PI4KA: variants seen among roughly 807,000 people sequenced by gnomAD.
The protein encoded by PI4KA is phosphatidylinositol 4-kinase alpha, also known as PI4-kinase alpha.
Under a neutral mutation model 271.4 loss-of-function variants are expected in PI4KA, and 122 were observed. The observed-to-expected ratio is 0.45, with a 90% CI of 0.39 to 0.52. The LOEUF (loss-of-function observed/expected upper bound fraction) is 0.52, where lower values mean the gene tolerates loss of function less well. PI4KA is among the 20% of genes least tolerant of loss of function. The pLI, the probability that PI4KA is intolerant of heterozygous loss-of-function variation, is 0.00. For missense variants in PI4KA, 1,969 were observed against 2,769.1 expected (o/e 0.71, Z 6.48); for synonymous variants, 1,041 against 1,078.8 (o/e 0.96, Z 0.69).
intron 27 of PI4KA, among the ~76,000 whole-genome samples, chr22:20,750,317 G>A (rs1355469438): frequency 1.3e-5 from 2 of 152,196 alleles, no homozygotes; most frequent in African/African-American, 4.8e-5. Context: ...GGAGAAGGCT[G>A]CCATTCACAA....
At position 20,727,355 on chromosome 22, in the gene PI4KA, G is replaced by A; in HGVS notation, c.4816C>T (p.Leu1606Phe). 1.9e-6 allele frequency: 3 copies of A among 1,608,450 alleles called. No homozygotes were observed. The highest frequency in any genetic ancestry group is 2.5e-6 in the Non-Finnish European group (3 of 1,178,288). ...WHTIDADAPELSHVLCWAPTD... is the reference protein window; with the variant it reads ...WHTIDADAPEFSHVLCWAPTD... ...GGCGCCCAGCACAGCACATGGCTGA[G>A]CTCTGGAGCATCGGCGTCGATGGTG... Residue 1606 changes from leucine to phenylalanine, a missense_variant, in exon 41 of 55, where the codon CTC becomes TTC. By Grantham distance (22) the Leu-to-Phe change is conservative (BLOSUM62 0). This residue lies in a region of PI4KA where 388 missense variants were observed against 521.5 expected (regional missense o/e 0.74). Transcript: ENST00000255882.
At chr22:20,811,623 A>AAAC (rs361977) in intron 8 of PI4KA, among the ~76,000 whole-genome samples, 1 of 151,656 alleles carries the variant, frequency 6.6e-6, no homozygotes, top group Non-Finnish European at 1.5e-5. Flanking sequence ...AAAAAAAAAA[A>AAAC]CTGCCCACAT....
Position 20,744,725 on chromosome 22 carries a change from A to C in PI4KA, c.3364-5T>G. ...GCGCTCGCTCAGCTGAGTTGCCTAC[A>C]GACAGATAACCATTATTGTAGACTA... On this transcript the variant is annotated splice_polypyrimidine_tract_variant and splice_region_variant and intron_variant, in intron 29 of 54. Transcript: ENST00000255882. 1 of 1,611,860 alleles carries C rather than the reference A, an allele frequency of 6.2e-7. No homozygotes were observed. Among genetic ancestry groups the C allele is most frequent in the Non-Finnish European group, 8.5e-7 (1 of 1,177,882 alleles).
chr22:20,815,306 G>A (rs530098691), intron 7 of PI4KA, among the ~76,000 whole-genome samples: 5 of 150,716 alleles, frequency 3.3e-5, no homozygotes, highest in Non-Finnish European at 5.9e-5. Context: ...GCTTAAGCCC[G>A]GGAGGCTGAG....
At chr22:20,720,941 G>T (rs1926660448) in intron 43 of PI4KA, among the ~76,000 whole-genome samples, 1 of 152,210 alleles carries the variant, frequency 6.6e-6, no homozygotes, top group African/African-American at 2.4e-5. Context: ...CAGTGCAGGG[G>T]TCCTGAGGCT....
chr22:20,764,201 T>C (rs1932283376), intron 22 of PI4KA, among the ~76,000 whole-genome samples: 1 of 152,208 alleles, frequency 6.6e-6, no homozygotes, highest in Non-Finnish European at 1.5e-5. Context: ...TGGGTCTGTA[T>C]AGCACTGCCT....
In PI4KA at chr22:20,807,413, G is replaced by A; in HGVS notation, c.1117C>T (p.Leu373Phe). ...DLYYTSFSDP[L>F]YLTMFKMLRD... is the part of the protein sequence containing the mutation. ...AGCATCTTGAACATGGTCAGGTAGA[G>A]AGGGTCACTGAAGGAAGTGTAGTAG... Residue 373 changes from leucine (L) to phenylalanine (F), a missense_variant, in exon 10 of 55, where the codon CTC (leucine) becomes TTC (phenylalanine). Leu to Phe is a conservative substitution (Grantham distance 22). Around this residue, in one of 13 missense-constraint regions of PI4KA, gnomAD observed 540 missense variants for 555.5 expected, o/e 0.97. Transcript: ENST00000255882. 1 of 1,613,638 alleles carries A rather than the reference G, an allele frequency of 6.2e-7. No homozygotes were observed. The highest frequency in any genetic ancestry group is 8.5e-7 in the Non-Finnish European group (1 of 1,179,504).
At position 20,805,178 on chromosome 22, in the gene PI4KA, G is replaced by T; in HGVS notation, c.1169-13C>A. The T allele has an allele frequency of 6.2e-7, 1 of 1,602,436 alleles. No homozygotes were observed. The highest frequency in any genetic ancestry group is 8.5e-7 in the Non-Finnish European group (1 of 1,170,672). On this transcript the variant is annotated splice_polypyrimidine_tract_variant and intron_variant, in intron 10 of 54. Transcript: ENST00000255882. ...GAGGTCGGGAGGTCTGTAGGAAAGA[G>T]TGTGGCATCACAGCTGGGAACAAAA...
intron 19 of PI4KA, among the ~76,000 whole-genome samples, chr22:20,791,070 C>T (rs1934615971): frequency 6.6e-6 from 1 of 152,208 alleles, no homozygotes; most frequent in South Asian, 2.1e-4. Flanking sequence ...ACCTGGAACC[C>T]TGTGACCCTC....
chr22:20,718,841 G>A lies in PI4KA; in HGVS notation c.5117-19C>T. ...ATGTCAGCTGCCAAGGAAGCAAAGAGGCTTAAGTCTCTGTGGCTGTGGCAG... is the reference window on the plus strand; with the variant it reads ...ATGTCAGCTGCCAAGGAAGCAAAGAAGCTTAAGTCTCTGTGGCTGTGGCAG... On this transcript the variant is annotated intron_variant, in intron 43 of 54. Transcript: ENST00000255882. The A allele has an allele frequency of 6.2e-7, 1 of 1,612,702 alleles. No homozygotes were observed. The highest frequency in any genetic ancestry group is 8.5e-7 in the Non-Finnish European group (1 of 1,179,676).
chr22:20,764,074 T>C (rs139399522), intron 22 of PI4KA, among the ~76,000 whole-genome samples: 1 of 152,220 alleles, frequency 6.6e-6, no homozygotes, highest in African/African-American at 2.4e-5. Context: ...TACGACTTAT[T>C]TGCATCCCTC....
At chr22:20,759,294 T>C (rs921561332) in intron 23 of PI4KA, among the ~76,000 whole-genome samples, 1 of 152,330 alleles carries the variant, frequency 6.6e-6, no homozygotes, top group African/African-American at 2.4e-5. Context: ...TCCACTTGGG[T>C]TGGCCTCCCA....
intron 19 of PI4KA, among the ~76,000 whole-genome samples, chr22:20,775,542 C>T (rs1260691529): frequency 6.6e-6 from 1 of 152,232 alleles, no homozygotes; most frequent in East Asian, 1.9e-4. Flanking sequence ...CTCTATCTGG[C>T]CTCAGATACG....
intron 1 of PI4KA, among the ~76,000 whole-genome samples, chr22:20,842,909 G>A (rs1278862641): frequency 6.6e-6 from 1 of 151,568 alleles, no homozygotes; most frequent in Non-Finnish European, 1.5e-5. Flanking sequence ...AGGAGATCGA[G>A]ACCACAGTGA....
At chr22:20,768,241 T>C (rs985645839) in intron 19 of PI4KA, among the ~76,000 whole-genome samples, 3 of 152,062 alleles carry the variant, frequency 2.0e-5, no homozygotes, top group African/African-American at 7.2e-5. Flanking sequence ...TACTGACTTT[T>C]TACATTTTTT....
At chr22:20,734,345 G>A (rs992225256) in intron 33 of PI4KA, 50 bp downstream of exon 33, 2 of 1,460,870 alleles carry the variant, frequency 1.4e-6, no homozygotes, top group East Asian at 2.3e-5. Context: ...AACAGTCCTG[G>A]CCCCCCAGGT....
intron 36 of PI4KA, among the ~76,000 whole-genome samples, chr22:20,731,592 G>C (rs949746264): frequency 2.0e-5 from 3 of 152,122 alleles, no homozygotes; most frequent in Non-Finnish European, 4.4e-5. Flanking sequence ...TCAGGAGTTT[G>C]AGACCAGCCT....
At chr22:20,847,709 T>C (rs1405245661) in intron 1 of PI4KA, among the ~76,000 whole-genome samples, 1 of 150,594 alleles carries the variant, frequency 6.6e-6, no homozygotes, top group African/African-American at 2.5e-5. Flanking sequence ...ATAATACCAC[T>C]GCATACCACT....
In PI4KA at chr22:20,707,750, T is replaced by C. The variant is rs1601295999; in HGVS notation, c.*297A>G. 1 of 462,806 alleles carries C rather than the reference T, an allele frequency of 2.2e-6. No individual in the cohort carries two copies. The highest frequency in any genetic ancestry group is 2.4e-5 in the South Asian group (1 of 42,502). 28.7% of individuals were successfully genotyped at this position (462,806 alleles called of 1,614,324 possible). ...TTGATGTTGGTTAAATCTTATCTCT[T>C]TTTTTATACACAATACTTCATGTAC... On this transcript the variant is annotated 3_prime_UTR_variant, in exon 55 of 55. Coordinates refer to ENST00000255882, the MANE Select transcript of PI4KA (RefSeq NM_058004.4).
Sources: gnomAD v4.1 joint callset for allele counts (sites outside exome capture counted in the v4.1 genomes callset) on GRCh38, gnomAD v4.1.1 for gene constraint, gnomAD v4.1.1 regional missense constraint, MANE v1.5 for transcripts, NCBI Gene and HGNC (gene_info 2026-07-23, HGNC 2026-07-21) for gene names.